Variants in DACH1 observed in about 807,000 individuals in gnomAD.
DACH1 encodes the protein dachshund homolog 1.
In DACH1, 12 loss-of-function variants were observed where a neutral mutation model predicts 54.2. The ratio of observed to expected loss-of-function variants is 0.22; its 90% CI spans 0.14 to 0.36. The LOEUF is 0.36. Ranked by LOEUF, DACH1 falls within the 10% of genes least tolerant of loss-of-function variation. The pLI is 1.00. For synonymous variants in DACH1, 386 were observed against 366.2 expected, an observed-to-expected ratio of 1.05 and a Z score of -0.62; for missense variants, 805 against 929.8, an observed-to-expected ratio of 0.87 and a Z score of 1.75.
chr13:71,464,226 T>TA (rs895527440), intron 10 of DACH1, among the ~76,000 whole-genome samples: 12 of 151,626 alleles, frequency 7.9e-5, no homozygotes, highest in Non-Finnish European at 1.8e-4. Context: ...ACATTGTCAT[T>TA]AAAAAAAATG....
chr13:71,481,713 G>A (rs965539302), intron 7 of DACH1, among the ~76,000 whole-genome samples: 2 of 152,056 alleles, frequency 1.3e-5, no homozygotes, highest in East Asian at 1.9e-4. Flanking sequence ...GTATGTTACC[G>A]CCAGTGACAG....
chr13:71,611,839 T>A (rs1875353118), intron 3 of DACH1, among the ~76,000 whole-genome samples: 1 of 152,160 alleles, frequency 6.6e-6, no homozygotes, highest in South Asian at 2.1e-4. Context: ...GCCTCCTTTT[T>A]ATTATTATTC....
Position 71,507,870 on chromosome 13 carries a change from T to C in DACH1, c.1571-18722A>G, listed in dbSNP as rs117373483. On this transcript the variant is annotated intron_variant, in intron 6 of 10. Transcript: ENST00000613252. ...TTAGGCTTAGTCCTGCCAATGTTAA[T>C]ATATTTTCTAATTGTCTATCATCTA... Among the ~76,000 whole-genome samples the C allele has an allele frequency of 4.8e-3, 724 of 152,338 alleles. 4 individuals are homozygous for C. The highest frequency in any genetic ancestry group is 7.5e-3 in the Non-Finnish European group (512 of 68,030).
Position 71,699,611 on chromosome 13 carries a change from A to G in DACH1, c.849-17701T>C, listed in dbSNP as rs188584426. Among the ~76,000 whole-genome samples the G allele has an allele frequency of 1.7e-3, 256 of 152,350 alleles. 1 individual carries two copies. Among genetic ancestry groups the G allele is most frequent in the African/African-American group, 5.8e-3 (241 of 41,574 alleles). On this transcript the variant is annotated intron_variant, in intron 1 of 10. Transcript: ENST00000613252. ...TTTATGAACAAAACCTTCCTGGTATATAAACTGTCAATGTGAACACGATGA... is the reference window on the plus strand; with the variant it reads ...TTTATGAACAAAACCTTCCTGGTATGTAAACTGTCAATGTGAACACGATGA...
intron 1 of DACH1, among the ~76,000 whole-genome samples, chr13:71,687,047 C>T (rs957932598): frequency 6.6e-6 from 1 of 152,128 alleles, no homozygotes; most frequent in African/African-American, 2.4e-5. Flanking sequence ...GGGACACAAA[C>T]AAGCATTTAC....
chr13:71,475,726 T>C lies in DACH1; in HGVS notation c.1994A>G (p.Asp665Gly). Residue 665 changes from aspartate to glycine, a missense_variant, in exon 9 of 11, where the codon GAT becomes GGT. Asp to Gly is a moderately conservative substitution (Grantham distance 94). Coordinates refer to ENST00000613252, the MANE Select transcript of DACH1 (RefSeq NM_080759.6). ...EQTLKQAAST[D>G]SLRVLNDSLT... ...CTTACCATTTAAGACCCTGAGACTA[T>C]CTGTTGAAGCTGCCTGTTTTAGCGT... The C allele has an allele frequency of 6.2e-7, 1 of 1,613,022 alleles. No individual in the cohort carries two copies. Among genetic ancestry groups the C allele is most frequent in the Non-Finnish European group, 8.5e-7 (1 of 1,179,714 alleles).
intron 1 of DACH1, among the ~76,000 whole-genome samples, chr13:71,768,806 A>G (rs1040302396): frequency 2.0e-5 from 3 of 151,918 alleles, no homozygotes; most frequent in Non-Finnish European, 2.9e-5. Context: ...CTGTCTGTAC[A>G]ATTTTTAACA....
intron 10 of DACH1, among the ~76,000 whole-genome samples, chr13:71,453,785 C>A (rs932696451): frequency 2.6e-5 from 4 of 152,114 alleles, no homozygotes; most frequent in Non-Finnish European, 5.9e-5. Flanking sequence ...TTCAACTTGA[C>A]AAATGACAGG....
chr13:71,464,414 A>AT (rs1317429954), intron 10 of DACH1, among the ~76,000 whole-genome samples: 1 of 152,018 alleles, frequency 6.6e-6, no homozygotes, highest in Non-Finnish European at 1.5e-5. Context: ...GACTAAAGAG[A>AT]TTTTTTGAAT....
intron 6 of DACH1, among the ~76,000 whole-genome samples, chr13:71,543,208 A>G (rs1883247425): frequency 6.6e-6 from 1 of 152,152 alleles, no homozygotes; most frequent in African/African-American, 2.4e-5. Context: ...ACTACAAGAA[A>G]TGCAAAAGCA....
At chr13:71,520,786 AAAG>A (rs1384694815) in intron 6 of DACH1, among the ~76,000 whole-genome samples, 4 of 151,850 alleles carry the variant, frequency 2.6e-5, no homozygotes, top group African/African-American at 9.7e-5. Flanking sequence ...TGCATTGGAG[AAAG>A]AAGAAAGGGA....
intron 2 of DACH1, among the ~76,000 whole-genome samples, chr13:71,639,250 C>T (rs1048875784): frequency 3.9e-5 from 6 of 152,102 alleles, no homozygotes; most frequent in Admixed American, 3.3e-4. Flanking sequence ...TGCATGTCTT[C>T]ACTCTTGAAT....
rs181294331 is a variant in DACH1 at position 71,614,668 on chromosome 13, A to G, written c.1126+15888T>C. 4.6e-5 allele frequency among the ~76,000 whole-genome samples: 7 copies of G among 152,118 alleles called. No homozygotes were observed. In the East Asian group the frequency reaches 1.2e-3, roughly 25 times the overall value. ...CAGGGGTCCCAGATCATCCTGGGGA[A>G]CACAGTGAGACTCCATCTCTACAAA... On this transcript the variant is annotated intron_variant, in intron 3 of 10. Coordinates refer to ENST00000613252, the MANE Select transcript of DACH1 (RefSeq NM_080759.6).
chr13:71,537,679 T>C (rs1391752260), intron 6 of DACH1, among the ~76,000 whole-genome samples: 2 of 152,218 alleles, frequency 1.3e-5, no homozygotes, highest in South Asian at 2.1e-4. Flanking sequence ...CAATCCCATC[T>C]TGAAAATATT....
chr13:71,512,631 TC>T (rs1335754226), intron 6 of DACH1, among the ~76,000 whole-genome samples: 4 of 151,908 alleles, frequency 2.6e-5, no homozygotes, highest in African/African-American at 9.7e-5. Flanking sequence ...CTCAAAGTGT[TC>T]AATATAGTGT....
intron 6 of DACH1, among the ~76,000 whole-genome samples, chr13:71,541,027 G>A (rs1883094831): frequency 6.6e-6 from 1 of 151,672 alleles, no homozygotes; most frequent in African/African-American, 2.4e-5. Context: ...ATGTTACATA[G>A]CACTTTTTCT....
intron 1 of DACH1, among the ~76,000 whole-genome samples, chr13:71,748,051 A>G (rs1293243230): frequency 1.3e-5 from 2 of 152,182 alleles, no homozygotes; most frequent in Non-Finnish European, 2.9e-5. Flanking sequence ...AAAAAGATTA[A>G]GTACAGTTAG....
At chr13:71,741,791 A>G (rs547951089) in intron 1 of DACH1, among the ~76,000 whole-genome samples, 1 of 152,294 alleles carries the variant, frequency 6.6e-6, no homozygotes, top group South Asian at 2.1e-4. Context: ...CTATTCTGGC[A>G]CATAAGGACA....
intron 1 of DACH1, among the ~76,000 whole-genome samples, chr13:71,844,744 C>T (rs1359921103): frequency 1.3e-5 from 2 of 151,940 alleles, no homozygotes; most frequent in East Asian, 3.9e-4. Flanking sequence ...ACTACCCACA[C>T]TTGATTAAAG....
Sources: gnomAD v4.1 joint callset for allele counts (sites outside exome capture counted in the v4.1 genomes callset) on GRCh38, gnomAD v4.1.1 for gene constraint, MANE v1.5 for transcripts, NCBI Gene and HGNC (gene_info 2026-07-23, HGNC 2026-07-21) for gene names.